Variants in RHPN1 observed in about 807,000 individuals in gnomAD.
The protein encoded by RHPN1 is rhophilin-1.
In RHPN1, 77 loss-of-function variants were observed where a neutral mutation model predicts 74.7. The ratio of observed to expected loss-of-function variants is 1.03; its 90% CI spans 0.86 to 1.25. The LOEUF (loss-of-function observed/expected upper bound fraction) is 1.25, where lower values mean the gene tolerates loss of function less well. Among genes scored for constraint, RHPN1 ranks in the 50% most tolerant of loss-of-function variants. RHPN1 has a pLI of 0.00. For missense variants in RHPN1, 987 were observed against 932.2 expected (o/e 1.06, Z -0.77); for synonymous variants, 444 against 414.5 (o/e 1.07, Z -0.87).
At position 143,381,982 on chromosome 8, in the gene RHPN1, G is replaced by T. The variant is rs772170527; in HGVS notation, c.1797+14G>T. ...CTGCCCAGCTTGGTGAGCCCCTGGGGCCCCAGAGGGGCGGTCCCCAGCTTG... is the reference window on the plus strand; with the variant it reads ...CTGCCCAGCTTGGTGAGCCCCTGGGTCCCCAGAGGGGCGGTCCCCAGCTTG... On this transcript the variant is annotated intron_variant, in intron 14 of 14. Coordinates refer to ENST00000289013, the MANE Select transcript of RHPN1 (RefSeq NM_052924.3). The T allele has an allele frequency of 3.2e-6, 5 of 1,563,622 alleles. No homozygotes were observed. The highest frequency in any genetic ancestry group is 2.3e-5 in the East Asian group (1 of 44,316).
intron 11 of RHPN1, 58 bp downstream of exon 11, chr8:143,380,841 T>C: frequency 7.3e-7 from 1 of 1,369,860 alleles, no homozygotes; most frequent in Non-Finnish European, 9.8e-7. Context: ...GGGGCCTTCG[T>C]CCTGGAGAAA....
intron 2 of RHPN1, 77 bp from the exon 3 acceptor site, chr8:143,376,448 G>A: frequency 1.3e-6 from 2 of 1,571,908 alleles, no homozygotes; most frequent in South Asian, 1.2e-5. Flanking sequence ...AGGTCAGCTG[G>A]CAGGACGGCT....
chr8:143,381,831 T>TA lies in RHPN1; in HGVS notation c.1661dup (p.Tyr554Ter). 1 of 1,613,052 alleles carries TA rather than the reference T, an allele frequency of 6.2e-7. No homozygotes were observed. The highest frequency in any genetic ancestry group is 8.5e-7 in the Non-Finnish European group (1 of 1,179,744). ...AAAAGLKEGD[Y>*]IVSVNGQPCR... ...GGCGGCTGGCCTGAAGGAGGGCGAC[T>TA]ACATTGTGTCAGTGAATGGGCAGCC... Residue 554 changes from tyrosine (Y) to a stop codon, truncating the protein, a stop_gained and frameshift_variant, in exon 14 of 15, where the codon TAC (tyrosine) becomes TAAC (stop). Coordinates refer to ENST00000289013, the MANE Select transcript of RHPN1 (RefSeq NM_052924.3). LOFTEE classifies it high-confidence loss of function.
chr8:143,378,356 T>TCCCGCCCCC lies in RHPN1; in HGVS notation c.459+13_459+14insGCCCCCCCC. The TCCCGCCCCC allele has an allele frequency of 6.6e-7, 1 of 1,525,440 alleles. No individual in the cohort carries two copies. The highest frequency in any genetic ancestry group is 8.8e-7 in the Non-Finnish European group (1 of 1,136,350). The allele number at this position is 1,525,440 out of a possible 1,614,324, so 94.5% of individuals were successfully genotyped here. A position where few individuals can be genotyped will look rare whatever the true frequency, so the allele number is the denominator to read the frequency against. On this transcript the variant is annotated intron_variant, in intron 5 of 14. Coordinates refer to ENST00000289013, the MANE Select transcript of RHPN1 (RefSeq NM_052924.3). ...GGAGGCCCTGCGGCAGGTGTGTGGT[T>TCCCGCCCCC]CCCCCGCCCACCCACCCTCCTGCAG...
chr8:143,376,503 C>G (rs1280258829), intron 2 of RHPN1, 22 bp from the exon 3 acceptor site: 2 of 1,610,596 alleles, frequency 1.2e-6, no homozygotes, highest in African/African-American at 1.3e-5. Flanking sequence ...GCTGGGCTTT[C>G]AACTGCCGCG....
intron 1 of RHPN1, chr8:143,374,132 C>G: frequency 1.0e-6 from 1 of 985,142 alleles, no homozygotes; most frequent in Non-Finnish European, 1.2e-6. Flanking sequence ...GAACTCTCTC[C>G]AGATATCTAG....
Position 143,379,469 on chromosome 8 carries a change from C to G in RHPN1, c.906C>G (p.Asp302Glu), listed in dbSNP as rs760379304. ...CACCTGCCTCCATGGCCCCCCAAGACTGCCTGGCCCAGCTGCGCCTGGCGC... is the reference window on the plus strand; with the variant it reads ...CACCTGCCTCCATGGCCCCCCAAGAGTGCCTGGCCCAGCTGCGCCTGGCGC... The part of the protein sequence containing the change: ...LSPPASMAPQ[D>E]CLAQLRLAQE... Residue 302 changes from aspartate (D) to glutamate (E), a missense_variant, in exon 8 of 15, where the codon GAC becomes GAG. Asp to Glu is a conservative substitution (Grantham distance 45). Transcript: ENST00000289013. 1 of 1,568,140 alleles carries G rather than the reference C, an allele frequency of 6.4e-7. No homozygotes were observed. The highest frequency in any genetic ancestry group is 8.6e-7 in the Non-Finnish European group (1 of 1,157,048).
intron 3 of RHPN1, among the ~76,000 whole-genome samples, chr8:143,376,994 G>GT (rs1173929076): frequency 1.3e-5 from 2 of 151,070 alleles, no homozygotes; most frequent in Non-Finnish European, 2.9e-5. Flanking sequence ...ATGTCTGCGT[G>GT]TATGTGGGTG....
intron 1 of RHPN1, among the ~76,000 whole-genome samples, chr8:143,372,302 G>C (rs1009049496): frequency 6.6e-6 from 1 of 150,378 alleles, no homozygotes; most frequent in African/African-American, 2.4e-5. Context: ...GAAAGGTAGG[G>C]ATGGGAGGCG....
At chr8:143,376,892 GCGTC>G (rs1818282930) in intron 3 of RHPN1, among the ~76,000 whole-genome samples, 5 of 46,234 alleles carry the variant, frequency 1.1e-4, no homozygotes, top group Admixed American at 7.2e-4. Context: ...GTGTGTGCAT[GCGTC>G]TGTGTGCGCG....
At position 143,378,357 on chromosome 8, in the gene RHPN1, C is replaced by CGGGGG; in HGVS notation, c.459+11_459+12insGGGGG. On this transcript the variant is annotated intron_variant, in intron 5 of 14. Transcript: ENST00000289013. ...GAGGCCCTGCGGCAGGTGTGTGGTT[C>CGGGGG]CCCCGCCCACCCACCCTCCTGCAGC... The CGGGGG allele has an allele frequency of 2.6e-6, 4 of 1,520,916 alleles. No homozygotes were observed. Among genetic ancestry groups the CGGGGG allele is most frequent in the Non-Finnish European group, 3.5e-6 (4 of 1,127,134 alleles). The allele number at this position is 1,520,916 out of a possible 1,614,324, so 94.2% of individuals were successfully genotyped here. A position where few individuals can be genotyped will look rare whatever the true frequency, so the allele number is the denominator to read the frequency against.
chr8:143,379,689 G>T, intron 8 of RHPN1, 140 bp from the exon 9 acceptor site: 1 of 1,448,072 alleles, frequency 6.9e-7, no homozygotes, highest in Admixed American at 2.6e-5. Flanking sequence ...TGCCTCCAGG[G>T]GATGGCACAA....
upstream of RHPN1, among the ~76,000 whole-genome samples, chr8:143,364,878 C>G (rs1817540659): frequency 6.6e-6 from 1 of 152,198 alleles, no homozygotes. The surrounding 1 kb of genome is among the most constrained non-coding windows in gnomAD (Gnocchi z 4.5). Context: ...GCATTGGTGG[C>G]TATTACCACC....
At chr8:143,375,984 G>A (rs1173994113) in intron 2 of RHPN1, among the ~76,000 whole-genome samples, 1 of 152,228 alleles carries the variant, frequency 6.6e-6, no homozygotes, top group Non-Finnish European at 1.5e-5. Flanking sequence ...GGCAGGTGAT[G>A]GCGCGTCCCA....
At chr8:143,372,292 G>A (rs1321426400) in intron 1 of RHPN1, among the ~76,000 whole-genome samples, 10 of 144,258 alleles carry the variant, frequency 6.9e-5, no homozygotes, top group Non-Finnish European at 1.1e-4. Context: ...GCGCCGGTGG[G>A]AAAGGTAGGG....
Position 143,379,867 on chromosome 8 carries a change from C to G in RHPN1, c.984C>G (p.Ala328=). ...ACAGGCTAGTGCACCGGACCATGGC[C>G]CAGCCACCCGTCCACGACTACGTGC... ...AEYRLVHRTM[A]QPPVHDYVPV... Residue 328 remains alanine (A), a synonymous_variant, in exon 9 of 15, where the codon GCC becomes GCG. Transcript: ENST00000289013. 6.2e-7 allele frequency: 1 copy of G among 1,611,058 alleles called. No individual in the cohort carries two copies. The highest frequency in any genetic ancestry group is 1.1e-5 in the South Asian group (1 of 90,842).
chr8:143,371,255 G>T (rs2130539197), intron 1 of RHPN1, among the ~76,000 whole-genome samples: 1 of 152,302 alleles, frequency 6.6e-6, no homozygotes, highest in East Asian at 1.9e-4. Context: ...CATCAGTGGG[G>T]GGCAGAGATG....
chr8:143,374,962 G>A (rs1818115550), intron 1 of RHPN1, among the ~76,000 whole-genome samples: 1 of 152,202 alleles, frequency 6.6e-6, no homozygotes, highest in Non-Finnish European at 1.5e-5. Context: ...GGAGGGCACG[G>A]GTGTGCGTTC....
At position 143,376,736 on chromosome 8, in the gene RHPN1, T is replaced by C. The variant is rs1818252364; in HGVS notation, c.305+83T>C. On this transcript the variant is annotated intron_variant, in intron 3 of 14. Coordinates refer to ENST00000289013, the MANE Select transcript of RHPN1 (RefSeq NM_052924.3). ...GTGTGCATGTGTGTGCACGCATGTG[T>C]GTCTCTGTGTGTATATGTGTGCATT... 6 of 1,443,024 alleles carry C rather than the reference T, an allele frequency of 4.2e-6. No individual in the cohort carries two copies. In the South Asian group the frequency reaches 6.3e-5, roughly 15 times the overall value. 89.4% of individuals were successfully genotyped at this position (1,443,024 alleles called of 1,614,324 possible).
Sources: allele counts gnomAD v4.1 joint callset (sites outside exome capture counted in the v4.1 genomes callset), GRCh38; gene constraint gnomAD v4.1.1; non-coding constraint Gnocchi (gnomAD v3.1); transcripts MANE v1.5; gene names NCBI Gene and HGNC (gene_info 2026-07-23, HGNC 2026-07-21).